Variants in AGBL1 observed in about 807,000 individuals in gnomAD.
AGBL1 encodes the protein AGBL carboxypeptidase 1.
In AGBL1, 130 loss-of-function variants were observed where a neutral mutation model predicts 118.9. That is an observed-to-expected ratio of 1.09 (90% CI 0.95 to 1.26). The LOEUF is 1.26. Among genes scored for constraint, AGBL1 ranks in the 50% most tolerant of loss-of-function variants. The pLI is 0.00. For missense variants in AGBL1, 1,584 were observed against 1,298.1 expected (o/e 1.22, Z -3.38); for synonymous variants, 555 against 478.9 (o/e 1.16, Z -2.08).
At chr15:86,822,768 G>A (rs1381864833) in intron 22 of AGBL1, among the ~76,000 whole-genome samples, 2 of 152,064 alleles carry the variant, frequency 1.3e-5, no homozygotes, top group Non-Finnish European at 2.9e-5. Flanking sequence ...ACAAGATAGT[G>A]GATTCCCACA....
chr15:86,152,084 C>A (rs1401180636), intron 3 of AGBL1, among the ~76,000 whole-genome samples: 1 of 152,128 alleles, frequency 6.6e-6, no homozygotes, highest in African/African-American at 2.4e-5. Context: ...GTGAAAATGG[C>A]CATACTGCCC....
chr15:86,721,193 C>CA lies in AGBL1; in HGVS notation c.3158+46766dup, dbSNP rs888854162. 2.3e-3 allele frequency among the ~76,000 whole-genome samples: 349 copies of CA among 150,582 alleles called. 1 individual carries two copies. The highest frequency in any genetic ancestry group is 5.9e-3 in the African/African-American group (241 of 41,084). On this transcript the variant is annotated intron_variant, in intron 22 of 22. Coordinates refer to ENST00000614907, the MANE Select transcript of AGBL1 (RefSeq NM_001386094.1). ...ATACCAAAGCCTGGCAGAGACACAA[C>CA]AAAAAAAAAGAATTTTAGACCAATA... is the stretch of plus-strand genomic sequence containing the variant.
intron 18 of AGBL1, among the ~76,000 whole-genome samples, chr15:86,400,620 C>T (rs2081430391): frequency 6.9e-6 from 1 of 145,510 alleles, no homozygotes; most frequent in African/African-American, 2.5e-5. Flanking sequence ...CAACTCTTCC[C>T]CCACAAGTCC....
At chr15:86,302,043 A>C (rs2079755281) in intron 17 of AGBL1, among the ~76,000 whole-genome samples, 1 of 151,996 alleles carries the variant, frequency 6.6e-6, no homozygotes, top group African/African-American at 2.4e-5. Context: ...CCATGATCCT[A>C]CCCTCTTCAG....
intron 21 of AGBL1, among the ~76,000 whole-genome samples, chr15:86,661,762 A>G (rs1186802783): frequency 6.6e-6 from 1 of 152,114 alleles, no homozygotes; most frequent in East Asian, 1.9e-4. Context: ...CACGGTGACC[A>G]TGCTAAGGTG....
chr15:86,271,449 C>T (rs533407122), intron 14 of AGBL1, among the ~76,000 whole-genome samples, 170 bp from the exon 15 acceptor site: 11 of 152,296 alleles, frequency 7.2e-5, no homozygotes, highest in African/African-American at 2.6e-4. Flanking sequence ...CCAGGATAAT[C>T]ACCCCATCTC....
chr15:86,367,264 C>T (rs888400025), intron 17 of AGBL1, among the ~76,000 whole-genome samples: 3 of 152,162 alleles, frequency 2.0e-5, no homozygotes, highest in Non-Finnish European at 4.4e-5. Context: ...TGCCATGCTC[C>T]CCTCTGTGTG....
intron 18 of AGBL1, among the ~76,000 whole-genome samples, chr15:86,436,716 A>C (rs938801260): frequency 1.3e-4 from 20 of 152,222 alleles, no homozygotes; most frequent in African/African-American, 4.8e-4. Flanking sequence ...ATTATTTTGC[A>C]AATAGGCAGA....
chr15:86,450,709 C>T (rs2082182720), intron 18 of AGBL1, among the ~76,000 whole-genome samples: 1 of 152,260 alleles, frequency 6.6e-6, no homozygotes, highest in South Asian at 2.1e-4. Flanking sequence ...TTTGAAGAGG[C>T]TAATTCACTT....
chr15:86,996,491 A>C (rs1023950945), intron 24 of AGBL1, among the ~76,000 whole-genome samples: 5 of 152,056 alleles, frequency 3.3e-5, no homozygotes, highest in Admixed American at 1.3e-4. Flanking sequence ...GCCATGCTTT[A>C]TTTGTTCTCA....
chr15:86,479,855 A>G (rs1047413158), intron 18 of AGBL1, among the ~76,000 whole-genome samples: 1 of 152,224 alleles, frequency 6.6e-6, no homozygotes, highest in Non-Finnish European at 1.5e-5. Context: ...AAAATGATAG[A>G]CTGGATTAAG....
At chr15:86,319,328 T>TCC (rs1318168515) in intron 17 of AGBL1, among the ~76,000 whole-genome samples, 1 of 152,214 alleles carries the variant, frequency 6.6e-6, no homozygotes, top group Non-Finnish European at 1.5e-5. Context: ...CTGGCTAACT[T>TCC]TCTGATTTTT....
chr15:86,710,525 G>C (rs141219589), intron 22 of AGBL1, among the ~76,000 whole-genome samples: 7 of 152,298 alleles, frequency 4.6e-5, no homozygotes, highest in African/African-American at 1.4e-4. Context: ...GTGTGAGGCA[G>C]CGTAGATTTG....
intron 5 of AGBL1, among the ~76,000 whole-genome samples, chr15:86,195,292 G>C (rs925872130): frequency 6.6e-5 from 10 of 152,080 alleles, no homozygotes; most frequent in African/African-American, 1.2e-4. Flanking sequence ...GGGCATGTTG[G>C]GGGTGTTCTG....
intron 22 of AGBL1, among the ~76,000 whole-genome samples, chr15:86,884,924 G>A (rs1230768832): frequency 6.6e-6 from 1 of 152,212 alleles, no homozygotes; most frequent in Non-Finnish European, 1.5e-5. Context: ...GTGCTTTACT[G>A]TGCATTGTGC....
At chr15:86,281,841 G>A (rs907531021) in intron 16 of AGBL1, among the ~76,000 whole-genome samples, 4 of 152,170 alleles carry the variant, frequency 2.6e-5, no homozygotes, top group African/African-American at 9.7e-5. Flanking sequence ...ATGAGTCCAT[G>A]TAGTCATCAT....
intron 23 of AGBL1, among the ~76,000 whole-genome samples, chr15:86,948,411 G>A (rs2141666483): frequency 6.6e-6 from 1 of 152,244 alleles, no homozygotes; most frequent in African/African-American, 2.4e-5. Flanking sequence ...ACAAGAATTG[G>A]TAAATTAGAA....
At chr15:86,346,889 C>T (rs112155139) in intron 17 of AGBL1, among the ~76,000 whole-genome samples, 3,576 of 152,272 alleles carry the variant, frequency 0.023, 58 homozygotes, top group Middle Eastern at 0.065. Flanking sequence ...GCCTTTGGGT[C>T]CAAGCACTGG....
intron 24 of AGBL1, among the ~76,000 whole-genome samples, chr15:86,992,491 ATATAT>A (rs2081344382): frequency 6.6e-6 from 1 of 152,124 alleles, no homozygotes; most frequent in African/African-American, 2.4e-5. Context: ...ACAGTACTAG[ATATAT>A]TACTAAATTT....
Sources: allele counts gnomAD v4.1 joint callset (sites outside exome capture counted in the v4.1 genomes callset), GRCh38; gene constraint gnomAD v4.1.1; transcripts MANE v1.5; gene names NCBI Gene and HGNC (gene_info 2026-07-23, HGNC 2026-07-21).